UGT1A8: variants seen among roughly 807,000 people sequenced by gnomAD.
UGT1A8 encodes the protein UDP-glucuronosyltransferase 1A8.
UGT1A8 carries 39 observed loss-of-function variants against 45.3 expected under a neutral mutation model. That is an observed-to-expected ratio of 0.86 (90% CI 0.67 to 1.12). The LOEUF is 1.12. UGT1A8 is among the 50% of genes most tolerant of loss of function. The pLI is 0.00. For synonymous variants in UGT1A8, 275 were observed against 249.2 expected, an observed-to-expected ratio of 1.10 and a Z score of -0.97; for missense variants, 719 against 664.9, an observed-to-expected ratio of 1.08 and a Z score of -0.90.
At chr2:233,735,449 C>T (rs1176154761) in intron 1 of UGT1A8, among the ~76,000 whole-genome samples, 6 of 152,110 alleles carry the variant, frequency 3.9e-5, no homozygotes, top group Admixed American at 1.3e-4. Flanking sequence ...ACCGATGGGC[C>T]TTGACTCTTT....
intron 1 of UGT1A8, chr2:233,755,033 G>A (rs1238728031): frequency 2.3e-6 from 3 of 1,314,014 alleles, no homozygotes; most frequent in Non-Finnish European, 3.1e-6. Context: ...AGGGCCTGCC[G>A]CCTGCGCAGC....
At chr2:233,725,829 C>A (rs1473271913) in intron 1 of UGT1A8, among the ~76,000 whole-genome samples, 1 of 152,074 alleles carries the variant, frequency 6.6e-6, no homozygotes, top group African/African-American at 2.4e-5. Flanking sequence ...ACCAGTATTG[C>A]TACTCCTATG....
chr2:233,757,798 G>T (rs1696723883), intron 1 of UGT1A8, among the ~76,000 whole-genome samples: 1 of 151,794 alleles, frequency 6.6e-6, no homozygotes, highest in Non-Finnish European at 1.5e-5. Flanking sequence ...TTGATGAAAG[G>T]AGATGAAAGG....
Position 233,672,838 on chromosome 2 carries a change from T to C in UGT1A8, c.855+54276T>C. Reference sequence around the variant, plus strand: ...CTTAAGAATACTTCACCTTTGGAAATTAAAAAAGGATTCTTTACTGAACTG... The same window carrying C: ...CTTAAGAATACTTCACCTTTGGAAACTAAAAAAGGATTCTTTACTGAACTG... On this transcript the variant is annotated intron_variant, in intron 1 of 4. Transcript: ENST00000373450. 3 of 1,554,242 alleles carry C rather than the reference T, an allele frequency of 1.9e-6. No homozygotes were observed. The South Asian group carries it at 3.7e-5, about 19-fold the overall frequency.
intron 1 of UGT1A8, among the ~76,000 whole-genome samples, chr2:233,712,196 T>C (rs2076218375): frequency 6.6e-6 from 1 of 152,214 alleles, no homozygotes; most frequent in Non-Finnish European, 1.5e-5. Flanking sequence ...GCTCCCCCGG[T>C]CCCTTGGTGA....
At chr2:233,638,008 A>T (rs891279164) in intron 1 of UGT1A8, among the ~76,000 whole-genome samples, 2 of 152,178 alleles carry the variant, frequency 1.3e-5, no homozygotes, top group Non-Finnish European at 2.9e-5. Flanking sequence ...CCTTTTGTGA[A>T]TAAGGCTGTG....
chr2:233,697,561 CAATTT>C (rs2075398383), intron 1 of UGT1A8, among the ~76,000 whole-genome samples: 1 of 149,770 alleles, frequency 6.7e-6, no homozygotes, highest in Admixed American at 6.6e-5. Context: ...TATTTAGCCT[CAATTT>C]AATTTATTTT....
chr2:233,628,390 A>T (rs1423684020), intron 1 of UGT1A8, among the ~76,000 whole-genome samples: 3 of 152,032 alleles, frequency 2.0e-5, no homozygotes, highest in Non-Finnish European at 2.9e-5. Flanking sequence ...TCTGCATATA[A>T]GTGGATCCAC....
At chr2:233,640,047 A>G (rs1287952126) in intron 1 of UGT1A8, among the ~76,000 whole-genome samples, 3 of 152,220 alleles carry the variant, frequency 2.0e-5, no homozygotes, top group Non-Finnish European at 4.4e-5. Context: ...ACCTGGGGAT[A>G]GGATGTGGTT....
chr2:233,636,111 CAG>C (rs1559317596), intron 1 of UGT1A8, among the ~76,000 whole-genome samples: 2 of 150,968 alleles, frequency 1.3e-5, no homozygotes, highest in Non-Finnish European at 2.9e-5. Context: ...TCTTTCTGGA[CAG>C]AGAGTATTTG....
intron 1 of UGT1A8, chr2:233,682,379 G>T: frequency 6.2e-7 from 1 of 1,613,868 alleles, no homozygotes; most frequent in Non-Finnish European, 8.5e-7. Flanking sequence ...AGTGTTTCTC[G>T]ATCCTTTTGA....
chr2:233,724,330 C>A (rs1214568164), intron 1 of UGT1A8, among the ~76,000 whole-genome samples: 2 of 122,004 alleles, frequency 1.6e-5, no homozygotes, highest in African/African-American at 6.2e-5. Context: ...GCTGGCCAGG[C>A]GGGGGGCTGA....
At chr2:233,747,587 T>C (rs1416788712) in intron 1 of UGT1A8, 8 of 1,579,890 alleles carry the variant, frequency 5.1e-6, no homozygotes, top group Non-Finnish European at 3.5e-6. Context: ...TGGTCTTTCA[T>C]AGGTCTTGTG....
chr2:233,682,099 G>A lies in UGT1A8; in HGVS notation c.855+63537G>A, dbSNP rs565225309. 5.0e-6 allele frequency: 8 copies of A among 1,614,208 alleles called. No homozygotes were observed. In the Admixed American group the frequency reaches 8.3e-5, roughly 17 times the overall value. ...AGAAACTCATCCTCAGGGGGCATGA[G>A]GTGGTCGTAGTCATGCCAGAGGTGA... On this transcript the variant is annotated intron_variant, in intron 1 of 4. Coordinates refer to ENST00000373450, the MANE Select transcript of UGT1A8 (RefSeq NM_019076.5).
At chr2:233,627,502 C>T (rs1323519993) in intron 1 of UGT1A8, among the ~76,000 whole-genome samples, 4 of 151,998 alleles carry the variant, frequency 2.6e-5, no homozygotes, top group Admixed American at 2.6e-4. Flanking sequence ...CAATGCTACA[C>T]CCACGTTAAA....
At chr2:233,768,188 A>G in intron 3 of UGT1A8, 32 bp from the exon 4 acceptor site, 1 of 1,614,062 alleles carries the variant, frequency 6.2e-7, no homozygotes, top group Non-Finnish European at 8.5e-7. Context: ...CAGAGATGTA[A>G]CTGCTGACAT....
intron 1 of UGT1A8, chr2:233,742,978 TA>T: frequency 8.7e-6 from 2 of 230,188 alleles, no homozygotes; most frequent in Non-Finnish European, 1.7e-5. Flanking sequence ...GGCTTAAGTT[TA>T]ATAAATAGCA....
intron 1 of UGT1A8, among the ~76,000 whole-genome samples, chr2:233,757,562 G>GTATATATATATATATATATATATACATA (rs1491042837): frequency 2.2e-5 from 2 of 90,870 alleles, no homozygotes; most frequent in African/African-American, 1.0e-4. Flanking sequence ...ATATATATAT[G>GTATATATATATATATATATATATACATA]TATATATGAT....
chr2:233,629,818 A>G (rs1376629346), intron 1 of UGT1A8, among the ~76,000 whole-genome samples: 1 of 152,112 alleles, frequency 6.6e-6, no homozygotes, highest in Non-Finnish European at 1.5e-5. Context: ...GGTTACTTCT[A>G]TTGGGGTTAT....
Sources: gnomAD v4.1 joint callset for allele counts (sites outside exome capture counted in the v4.1 genomes callset) on GRCh38, gnomAD v4.1.1 for gene constraint, MANE v1.5 for transcripts, NCBI Gene and HGNC (gene_info 2026-07-23, HGNC 2026-07-21) for gene names.